THSD7A: variants seen among roughly 807,000 people sequenced by gnomAD.
The protein encoded by THSD7A is thrombospondin type-1 domain-containing protein 7A.
In THSD7A, 96 loss-of-function variants were observed where a neutral mutation model predicts 231.3. That is an observed-to-expected ratio of 0.41 (90% CI 0.35 to 0.49). THSD7A has a LOEUF of 0.49. THSD7A is among the 20% of genes least tolerant of loss of function. The probability of loss-of-function intolerance (pLI) is 0.05; values close to 1 mark genes in which losing one functional copy is unlikely to be tolerated. For synonymous variants in THSD7A, 940 were observed against 743.3 expected, an observed-to-expected ratio of 1.26 and a Z score of -4.30; for missense variants, 2,290 against 2,070.2, an observed-to-expected ratio of 1.11 and a Z score of -2.06.
At chr7:11,700,560 T>G (rs1394529636) in intron 1 of THSD7A, among the ~76,000 whole-genome samples, 1 of 151,288 alleles carries the variant, frequency 6.6e-6, no homozygotes, top group Non-Finnish European at 1.5e-5. Context: ...TGTAAAATCT[T>G]CATTGAAAAT....
chr7:11,745,852 C>T (rs1214245639), intron 1 of THSD7A, among the ~76,000 whole-genome samples: 4 of 151,850 alleles, frequency 2.6e-5, no homozygotes, highest in Non-Finnish European at 5.9e-5. Context: ...CTGTAGCCTT[C>T]TAGTATAGTT....
chr7:11,450,863 T>A (rs1027492611), intron 11 of THSD7A, among the ~76,000 whole-genome samples: 1 of 152,008 alleles, frequency 6.6e-6, no homozygotes, highest in Admixed American at 6.6e-5. Context: ...TACAGATAAT[T>A]CACCATGAAA....
intron 23 of THSD7A, among the ~76,000 whole-genome samples, chr7:11,395,514 T>A (rs1783148509): frequency 6.6e-6 from 1 of 151,236 alleles, no homozygotes; most frequent in Non-Finnish European, 1.5e-5. Context: ...ATCAACAGAA[T>A]ATGCATTCTT....
At chr7:11,655,643 A>G (rs1208167236) in intron 1 of THSD7A, among the ~76,000 whole-genome samples, 1 of 151,908 alleles carries the variant, frequency 6.6e-6, no homozygotes, top group Non-Finnish European at 1.5e-5. Flanking sequence ...AACAGAGTAG[A>G]CAAACAGTAA....
At chr7:11,680,955 T>A (rs1445412904) in intron 1 of THSD7A, among the ~76,000 whole-genome samples, 1 of 152,170 alleles carries the variant, frequency 6.6e-6, no homozygotes, top group African/African-American at 2.4e-5. Flanking sequence ...CGAACCCAAA[T>A]GCCCATGAAT....
intron 4 of THSD7A, among the ~76,000 whole-genome samples, chr7:11,556,964 T>C (rs1195486365): frequency 6.6e-6 from 1 of 152,084 alleles, no homozygotes; most frequent in African/African-American, 2.4e-5. Flanking sequence ...TATTTGGAAT[T>C]CATCCAGCTT....
intron 1 of THSD7A, among the ~76,000 whole-genome samples, chr7:11,811,572 A>G (rs1484701555): frequency 6.6e-6 from 1 of 152,200 alleles, no homozygotes; most frequent in African/African-American, 2.4e-5. Context: ...GATATGTAGT[A>G]TCTTCAGAAA....
chr7:11,423,513 T>C (rs919922103), intron 16 of THSD7A, among the ~76,000 whole-genome samples: 15 of 151,776 alleles, frequency 9.9e-5, no homozygotes, highest in African/African-American at 1.9e-4. Flanking sequence ...GGACTACAGG[T>C]GCCCGCCGCC....
At chr7:11,453,524 T>G (rs1435779427) in intron 11 of THSD7A, among the ~76,000 whole-genome samples, 1 of 151,966 alleles carries the variant, frequency 6.6e-6, no homozygotes, top group Non-Finnish European at 1.5e-5. Context: ...CAGATTTTAG[T>G]GACCAGTGAC....
At position 11,371,987 on chromosome 7, in the gene THSD7A, A is replaced by C. The variant is rs1362705081; in HGVS notation, c.*3807T>G. ...AAGAGACCAAGCAGAGAAAATCAGA[A>C]AGGGCCAAGGATACAGGTTGTTGGG... On this transcript the variant is annotated 3_prime_UTR_variant, in exon 28 of 28. Coordinates refer to ENST00000423059, the MANE Select transcript of THSD7A (RefSeq NM_015204.3). 1.3e-5 allele frequency: 2 copies of C among 151,896 alleles called. No individual in the cohort carries two copies. The highest frequency in any genetic ancestry group is 4.8e-5 in the African/African-American group (2 of 41,366). 9.4% of individuals were successfully genotyped at this position (151,896 alleles called of 1,614,324 possible).
chr7:11,820,523 C>A (rs540486896), intron 1 of THSD7A: 6 of 749,462 alleles, frequency 8.0e-6, no homozygotes, highest in East Asian at 2.6e-5. Flanking sequence ...CTAGGTCCCA[C>A]TCCTCTTACC....
intron 4 of THSD7A, among the ~76,000 whole-genome samples, chr7:11,546,202 G>GCGCACACACACACA (rs761841418): frequency 7.7e-6 from 1 of 129,360 alleles, no homozygotes; most frequent in African/African-American, 2.9e-5. Flanking sequence ...GTGGGCGCGC[G>GCGCACACACACACA]CTCACACACA....
chr7:11,376,572 A>C lies in THSD7A; in HGVS notation c.4887T>G (p.Ala1629=). The stretch of plus-strand genomic sequence containing the variant: ...TTTTTAATTATTTAAACACTCACCA[A>C]GCTAGATAAATCATGGAGACAATAA... The part of the protein sequence containing the change: ...LIFIVSMIYL[A]CKKPKKPQRR... The change falls in exon 27 of 28, where the codon GCT becomes GCG. Residue 1629 remains alanine (A), a splice_region_variant and synonymous_variant. Transcript: ENST00000423059. The C allele has an allele frequency of 6.4e-7, 1 of 1,574,720 alleles. No individual in the cohort carries two copies. Among genetic ancestry groups the C allele is most frequent in the Non-Finnish European group, 8.6e-7 (1 of 1,158,932 alleles).
At chr7:11,507,464 GCTTTATT>G (rs1378212510) in intron 6 of THSD7A, among the ~76,000 whole-genome samples, 7 of 152,176 alleles carry the variant, frequency 4.6e-5, no homozygotes, top group African/African-American at 1.4e-4. Context: ...TCATGATTCT[GCTTTATT>G]CTTCAAGTGT....
chr7:11,803,623 T>A (rs1210671592), intron 1 of THSD7A, among the ~76,000 whole-genome samples: 1 of 152,186 alleles, frequency 6.6e-6, no homozygotes, highest in Non-Finnish European at 1.5e-5. Flanking sequence ...ATAGATGCTA[T>A]TGAGGCTCCT....
chr7:11,644,837 A>G (rs1782219720), intron 1 of THSD7A, among the ~76,000 whole-genome samples: 1 of 151,882 alleles, frequency 6.6e-6, no homozygotes, highest in Admixed American at 6.6e-5. Flanking sequence ...ACACTACCTG[A>G]CCCATAAGCT....
At chr7:11,668,311 G>A (rs979946555) in intron 1 of THSD7A, among the ~76,000 whole-genome samples, 5 of 152,030 alleles carry the variant, frequency 3.3e-5, no homozygotes, top group South Asian at 4.2e-4. Flanking sequence ...CCAGCTTCTC[G>A]GGAGACTGAG....
chr7:11,472,188 G>T lies in THSD7A; in HGVS notation c.2252+2146C>A, dbSNP rs1486559464. Among the ~76,000 whole-genome samples the T allele has an allele frequency of 3.3e-5, 5 of 152,182 alleles. No homozygotes were observed. The South Asian group carries it at 1.0e-3, about 32-fold the overall frequency. ...GCAAGGCAATTGGTTCAGTCAGCAG[G>T]CTTCTTTTATCCTTTGTACTGTTTG... On this transcript the variant is annotated intron_variant, in intron 8 of 27. Transcript: ENST00000423059.
At chr7:11,783,599 C>T (rs993307150) in intron 1 of THSD7A, among the ~76,000 whole-genome samples, 1 of 152,078 alleles carries the variant, frequency 6.6e-6, no homozygotes, top group Non-Finnish European at 1.5e-5. Context: ...ACAATTTTGG[C>T]CTCATGCATA....
Sources: gnomAD v4.1 joint callset for allele counts (sites outside exome capture counted in the v4.1 genomes callset) on GRCh38, gnomAD v4.1.1 for gene constraint, MANE v1.5 for transcripts, NCBI Gene and HGNC (gene_info 2026-07-23, HGNC 2026-07-21) for gene names.